The following WDR47 variants were observed in gnomAD, a reference collection of about 807,000 sequenced individuals.
WDR47 encodes WD repeat domain 47.
In WDR47, 32 loss-of-function variants were observed where a neutral mutation model predicts 97.2. The observed-to-expected ratio is 0.33, with a 90% CI of 0.25 to 0.44. The LOEUF is 0.44. WDR47 is among the 20% of genes least tolerant of loss of function. The probability of loss-of-function intolerance (pLI) is 1.00; values close to 1 mark genes in which losing one functional copy is unlikely to be tolerated. For synonymous variants in WDR47, 375 were observed against 373.5 expected (o/e 1.00, Z -0.05); for missense variants, 782 against 1,102.3 (o/e 0.71, Z 4.11).
chr1:108,999,201 T>C (rs1279323680), intron 7 of WDR47, among the ~76,000 whole-genome samples: 1 of 150,168 alleles, frequency 6.7e-6, no homozygotes, highest in East Asian at 1.9e-4. Context: ...CACTCCAGCC[T>C]GGGCAACAAG....
At chr1:109,037,158 C>T (rs950451166) in intron 1 of WDR47, among the ~76,000 whole-genome samples, 1 of 150,212 alleles carries the variant, frequency 6.7e-6, no homozygotes, top group Admixed American at 6.7e-5. Context: ...GGAGAAACCC[C>T]GTCTCTACCA....
At chr1:109,036,243 C>A (rs1662931001) in intron 1 of WDR47, among the ~76,000 whole-genome samples, 1 of 152,072 alleles carries the variant, frequency 6.6e-6, no homozygotes, top group African/African-American at 2.4e-5. Flanking sequence ...CCACTCCCGT[C>A]ATCCTCCTCT....
rs781065657 is a variant in WDR47, at chr1:108,995,670, T to G, written c.1601A>C (p.Asp534Ala). 1 of 1,614,108 alleles carries G rather than the reference T, an allele frequency of 6.2e-7. No individual in the cohort carries two copies. Among genetic ancestry groups the G allele is most frequent in the Non-Finnish European group, 8.5e-7 (1 of 1,179,988 alleles). The change falls in exon 8 of 15, where the codon GAT (aspartate) becomes GCT (alanine). Residue 534 changes from aspartate (D) to alanine (A), a missense_variant. Coordinates refer to ENST00000369962, the MANE Select transcript of WDR47 (RefSeq NM_001142551.2). ...AGTGCTTGTATGAATATTTGAAGCA[T>G]CATGTGTTAATCTCTGACTAGAGTC... ...PQDSSQRLTH[D>A]ASNIHTSTPR...
In WDR47 at chr1:109,013,064, G is replaced by A. The variant is rs192088475; in HGVS notation, c.327+777C>T. Among the ~76,000 whole-genome samples the A allele has an allele frequency of 3.7e-4, 56 of 152,198 alleles. 2 individuals carry two copies. In the East Asian group the frequency reaches 9.9e-3, roughly 27 times the overall value. ...ACTAGGTCATAAATGCTCAGCCCTC[G>A]TGAATTAGATTAGTGCCCATATAAG... On this transcript the variant is annotated intron_variant, in intron 4 of 14. Transcript: ENST00000369962.
intron 5 of WDR47, 78 bp downstream of exon 5, chr1:109,010,838 T>A: frequency 1.4e-6 from 2 of 1,414,728 alleles, no homozygotes; most frequent in Non-Finnish European, 1.9e-6. Flanking sequence ...CACCTCGGCC[T>A]CCCAAAGTGC....
At chr1:109,016,401 C>CA (rs984069691) in intron 3 of WDR47, among the ~76,000 whole-genome samples, 1 of 150,440 alleles carries the variant, frequency 6.6e-6, no homozygotes, top group African/African-American at 2.4e-5. Context: ...GACCCTGTCT[C>CA]AAAAAAAAAG....
chr1:109,016,548 C>A (rs543363615), intron 3 of WDR47, among the ~76,000 whole-genome samples: 1 of 152,078 alleles, frequency 6.6e-6, no homozygotes, highest in African/African-American at 2.4e-5. Context: ...TGTGAAGATG[C>A]AAGGGAGACT....
intron 10 of WDR47, among the ~76,000 whole-genome samples, chr1:108,984,637 T>C (rs1314674780): frequency 6.6e-6 from 1 of 152,162 alleles, no homozygotes; most frequent in Non-Finnish European, 1.5e-5. Context: ...CCCAGCACTT[T>C]GGGAGGCCGA....
At position 108,995,703 on chromosome 1, in the gene WDR47, G is replaced by A. The variant is rs1424002533; in HGVS notation, c.1568C>T (p.Pro523Leu). Residue 523 changes from proline (P) to leucine (L), a missense_variant, in exon 8 of 15, where the codon CCA (proline) becomes CTA (leucine). By Grantham distance (98) the Pro-to-Leu change is moderately conservative. Around this residue, in one of 3 missense-constraint regions of WDR47, gnomAD observed 126 missense variants for 121.3 expected, o/e 1.04. Transcript: ENST00000369962. ...TAATCTCTGACTAGAGTCTTGGGGT[G>A]GTGTAGTAAAACTAGTCACAGAAGA... is the stretch of plus-strand genomic sequence containing the variant. The part of the protein sequence containing the change: ...NGSSVTSFTT[P>L]PQDSSQRLTH... The A allele has an allele frequency of 6.2e-7, 1 of 1,613,940 alleles. No individual in the cohort carries two copies. The highest frequency in any genetic ancestry group is 1.3e-5 in the African/African-American group (1 of 74,894).
intron 1 of WDR47, among the ~76,000 whole-genome samples, chr1:109,037,278 G>A (rs1413570845): frequency 2.7e-5 from 4 of 150,174 alleles, no homozygotes; most frequent in South Asian, 2.1e-4. Context: ...GCGGTGAGCC[G>A]ACATCACGCC....
At chr1:109,029,931 C>T (rs1662498192) in intron 1 of WDR47, 7 of 342,002 alleles carry the variant, frequency 2.0e-5, no homozygotes, top group Non-Finnish European at 3.1e-5. Flanking sequence ...AATATATTGA[C>T]TCTGTGTATT....
Position 109,002,318 on chromosome 1 carries a change from G to T in WDR47, c.1339C>A (p.Arg447=). Residue 447 remains arginine (R), a synonymous_variant, in exon 7 of 15, where the codon CGG becomes AGG. Coordinates refer to ENST00000369962, the MANE Select transcript of WDR47 (RefSeq NM_001142551.2). ...QQHLEQKEQQ[R]QIYQQMLLEG... ...AGCAACATCTGTTGGTATATCTGCC[G>T]CTGTTGCTCCTTCTGTTCTAAATGC... The T allele has an allele frequency of 6.2e-7, 1 of 1,613,204 alleles. No individual in the cohort carries two copies.
chr1:108,979,239 C>G (rs920312582), intron 13 of WDR47, among the ~76,000 whole-genome samples: 1 of 151,994 alleles, frequency 6.6e-6, no homozygotes, highest in Non-Finnish European at 1.5e-5. Flanking sequence ...AATAAACAAA[C>G]AAACAAACAC....
At chr1:109,018,490 T>C (rs1160148546) in intron 2 of WDR47, among the ~76,000 whole-genome samples, 2 of 150,778 alleles carry the variant, frequency 1.3e-5, no homozygotes, top group Non-Finnish European at 2.9e-5. Flanking sequence ...TCCATATTCA[T>C]CTTACAGTTT....
At chr1:109,029,914 T>C (rs1248780290) in intron 1 of WDR47, among the ~76,000 whole-genome samples, 4 of 150,832 alleles carry the variant, frequency 2.7e-5, no homozygotes, top group African/African-American at 4.8e-5. Context: ...AATATTCTAG[T>C]AATAAAAATA....
intron 2 of WDR47, 49 bp downstream of exon 2, chr1:109,023,306 A>C (rs971472922): frequency 2.5e-6 from 4 of 1,574,974 alleles, no homozygotes; most frequent in Non-Finnish European, 3.5e-6. Flanking sequence ...ATTAATACTT[A>C]ACATTTCTTC....
At chr1:108,979,073 G>A (rs904169567) in intron 13 of WDR47, among the ~76,000 whole-genome samples, 1 of 152,152 alleles carries the variant, frequency 6.6e-6, no homozygotes. Context: ...GAGAAGCAGA[G>A]GAGGAGAGAT....
rs1047679544 is a variant in WDR47 at position 109,041,913 on chromosome 1, G to C, written c.-61C>G. On this transcript the variant is annotated 5_prime_UTR_variant, in exon 1 of 15. Transcript: ENST00000369962. Reference sequence around the variant, plus strand: ...GAGCGGCGGAGGAGAACGCGGCTGGGAGGCCGGCGGCCAGGGCCCCGAAGC... The same window carrying C: ...GAGCGGCGGAGGAGAACGCGGCTGGCAGGCCGGCGGCCAGGGCCCCGAAGC... 2 of 152,616 alleles carry C rather than the reference G, an allele frequency of 1.3e-5. No homozygotes were observed. Among genetic ancestry groups the C allele is most frequent in the Non-Finnish European group, 2.9e-5 (2 of 68,358 alleles). The allele number at this position is 152,616 out of a possible 1,614,324, so 9.5% of individuals were successfully genotyped here.
intron 5 of WDR47, among the ~76,000 whole-genome samples, chr1:109,008,728 C>T (rs1384163717): frequency 6.6e-6 from 1 of 152,116 alleles, no homozygotes; most frequent in Non-Finnish European, 1.5e-5. Context: ...CTGCGTCAGC[C>T]TCCTGAGTAG....
Sources: allele counts gnomAD v4.1 joint callset (sites outside exome capture counted in the v4.1 genomes callset), GRCh38; gene constraint gnomAD v4.1.1; regional missense constraint gnomAD v4.1.1; transcripts MANE v1.5; gene names NCBI Gene and HGNC (gene_info 2026-07-23, HGNC 2026-07-21).